Variants in UGGT2 observed in about 807,000 individuals in gnomAD.
UGGT2 encodes the protein UDP-glucose:glycoprotein glucosyltransferase 2.
Under a neutral mutation model 192.1 loss-of-function variants are expected in UGGT2, and 180 were observed. The observed-to-expected ratio is 0.94, with a 90% CI of 0.83 to 1.06. The LOEUF is 1.06. UGGT2 is among the 50% of genes least tolerant of loss of function. The pLI, the probability that UGGT2 is intolerant of heterozygous loss-of-function variation, is 0.00. For synonymous variants in UGGT2, 580 were observed against 591.0 expected (o/e 0.98, Z 0.27); for missense variants, 1,849 against 1,795.7 (o/e 1.03, Z -0.54).
At chr13:95,966,318 C>G (rs1029736972) in intron 12 of UGGT2, among the ~76,000 whole-genome samples, 1 of 152,040 alleles carries the variant, frequency 6.6e-6, no homozygotes, top group Non-Finnish European at 1.5e-5. Flanking sequence ...TGTGTTCTCA[C>G]TCGTAAGTGG....
chr13:96,019,896 AG>A (rs1354515445), intron 4 of UGGT2, among the ~76,000 whole-genome samples: 1 of 152,230 alleles, frequency 6.6e-6, no homozygotes, highest in Admixed American at 6.5e-5. Flanking sequence ...TAGCAGAGGC[AG>A]CCCGAAGAGC....
At chr13:95,928,099 T>C (rs2049091509) in intron 17 of UGGT2, among the ~76,000 whole-genome samples, 1 of 152,100 alleles carries the variant, frequency 6.6e-6, no homozygotes, top group East Asian at 1.9e-4. Context: ...TGATCTCTCT[T>C]TCTTTTCCCC....
rs1369465458 is a variant in UGGT2 at position 95,949,332 on chromosome 13, C to CA, written c.1455+2dup. 1.3e-6 allele frequency: 2 copies of CA among 1,529,490 alleles called. No individual in the cohort carries two copies. The highest frequency in any genetic ancestry group is 4.1e-5 in the Admixed American group (2 of 48,424). 94.7% of individuals were successfully genotyped at this position (1,529,490 alleles called of 1,614,324 possible). A position where few individuals can be genotyped will look rare whatever the true frequency, so the allele number is the denominator to read the frequency against. ...ATATGTATAATCAAAATATAAAACT[C>CA]ACCAAATTATGAAAATTGCGCCTTA... On this transcript the variant is annotated splice_region_variant and intron_variant, in intron 13 of 38. Coordinates refer to ENST00000376747, the MANE Select transcript of UGGT2 (RefSeq NM_020121.4).
chr13:95,948,226 C>T (rs1039759555), intron 13 of UGGT2, 145 bp from the exon 14 acceptor site: 3 of 422,134 alleles, frequency 7.1e-6, no homozygotes, highest in Non-Finnish European at 1.3e-5. Flanking sequence ...AATACACACA[C>T]ACACACACAC....
At position 95,818,826 on chromosome 13, in the gene UGGT2, T is replaced by G. The variant is rs1011272614; in HGVS notation, c.4528+14101A>C. Among the ~76,000 whole-genome samples, 8 of 152,280 alleles carry G rather than the reference T, an allele frequency of 5.3e-5. 1 individual carries two copies. In the South Asian group the frequency reaches 1.2e-3, roughly 24 times the overall value. On this transcript the variant is annotated intron_variant, in intron 38 of 38. Coordinates refer to ENST00000376747, the MANE Select transcript of UGGT2 (RefSeq NM_020121.4). The stretch of plus-strand genomic sequence containing the variant: ...AGGAGGGATTTATGAAACAGAGACC[T>G]GCAGGAAGAAGCCTTTCTCAACCAG...
At chr13:96,033,542 C>A (rs112576455) in intron 1 of UGGT2, among the ~76,000 whole-genome samples, 1 of 152,160 alleles carries the variant, frequency 6.6e-6, no homozygotes, top group African/African-American at 2.4e-5. Context: ...AACCACCCAG[C>A]TGCAGCTGTG....
intron 12 of UGGT2, among the ~76,000 whole-genome samples, chr13:95,966,221 G>T (rs546494958): frequency 6.6e-5 from 10 of 152,190 alleles, no homozygotes; most frequent in South Asian, 2.1e-4. Context: ...CCACAGAAAA[G>T]AATGAAATGT....
At chr13:95,861,458 C>G (rs1411286815) in intron 31 of UGGT2, among the ~76,000 whole-genome samples, 2 of 152,026 alleles carry the variant, frequency 1.3e-5, no homozygotes, top group East Asian at 3.8e-4. Flanking sequence ...ACTAGGGAAC[C>G]ATGTCTACTT....
At chr13:95,841,731 C>G (rs566154345) in intron 36 of UGGT2, among the ~76,000 whole-genome samples, 4 of 152,180 alleles carry the variant, frequency 2.6e-5, no homozygotes, top group South Asian at 4.1e-4. Flanking sequence ...ATTGCTTGTG[C>G]TTTTGGTTTT....
chr13:95,918,290 T>A (rs1266608161), intron 20 of UGGT2, among the ~76,000 whole-genome samples: 2 of 152,116 alleles, frequency 1.3e-5, no homozygotes, highest in Non-Finnish European at 2.9e-5. Flanking sequence ...CTTGAGTAAA[T>A]AATGAAATTA....
intron 33 of UGGT2, among the ~76,000 whole-genome samples, chr13:95,859,277 C>G (rs1172009823): frequency 1.3e-5 from 2 of 152,084 alleles, no homozygotes; most frequent in African/African-American, 2.4e-5. Context: ...GCAAAAATGA[C>G]AGAATCCATT....
intron 10 of UGGT2, among the ~76,000 whole-genome samples, chr13:95,980,637 G>C (rs2051089696): frequency 6.6e-6 from 1 of 152,172 alleles, no homozygotes; most frequent in Non-Finnish European, 1.5e-5. Context: ...TAGATGGTTT[G>C]GGTTTGGCTT....
rs1594171490 is a variant in UGGT2 at position 95,860,788 on chromosome 13, C to T, written c.3740G>A (p.Arg1247Lys). Residue 1247 changes from arginine to lysine, a missense_variant and splice_region_variant, in exon 32 of 39, where the codon AGA becomes AAA. Coordinates refer to ENST00000376747, the MANE Select transcript of UGGT2 (RefSeq NM_020121.4). ...ASGHLYERFL[R>K]IMMLSVLRNT... Reference sequence around the variant, plus strand: ...ATATAAGGTTAAAAAATATACCTACCTTAAAAAACGTTCATATAAATGACC... The same window carrying T: ...ATATAAGGTTAAAAAATATACCTACTTTAAAAAACGTTCATATAAATGACC... 6.7e-7 allele frequency: 1 copy of T among 1,495,540 alleles called. No individual in the cohort carries two copies. 92.6% of individuals were successfully genotyped at this position (1,495,540 alleles called of 1,614,324 possible).
At chr13:95,820,944 C>T (rs899565448) in intron 38 of UGGT2, among the ~76,000 whole-genome samples, 3 of 152,058 alleles carry the variant, frequency 2.0e-5, no homozygotes, top group Non-Finnish European at 4.4e-5. Context: ...CTAGTATTTT[C>T]ATTCCTTTTA....
chr13:95,928,506 C>T lies in UGGT2; in HGVS notation c.1978-1170G>A, dbSNP rs1185297613. Reference sequence around the variant, plus strand: ...GGCAGCCGGTCAGAGACGCTCCTCACCTCTCAGACGGGGTGGTGGCGGGGC... The same window carrying T: ...GGCAGCCGGTCAGAGACGCTCCTCATCTCTCAGACGGGGTGGTGGCGGGGC... On this transcript the variant is annotated intron_variant, in intron 17 of 38. Coordinates refer to ENST00000376747, the MANE Select transcript of UGGT2 (RefSeq NM_020121.4). Among the ~76,000 whole-genome samples, 4 of 152,042 alleles carry T rather than the reference C, an allele frequency of 2.6e-5. 1 individual carries two copies. Among genetic ancestry groups the T allele is most frequent in the African/African-American group, 9.6e-5 (4 of 41,460 alleles).
chr13:95,888,168 G>C (rs1400900398), intron 25 of UGGT2, among the ~76,000 whole-genome samples, 197 bp from the exon 26 acceptor site: 1 of 152,156 alleles, frequency 6.6e-6, no homozygotes, highest in African/African-American at 2.4e-5. Context: ...TCACAGCACA[G>C]GCAAGATTTT....
intron 10 of UGGT2, among the ~76,000 whole-genome samples, chr13:95,983,134 A>T (rs2051180196): frequency 6.6e-6 from 1 of 152,206 alleles, no homozygotes; most frequent in South Asian, 2.1e-4. Context: ...AATGAGATAG[A>T]AACCAGTCTG....
At chr13:95,817,473 A>T (rs1413970910) in intron 38 of UGGT2, among the ~76,000 whole-genome samples, 1 of 152,082 alleles carries the variant, frequency 6.6e-6, no homozygotes, top group East Asian at 1.9e-4. Context: ...GGTCCCAGAT[A>T]CTTGGGAGGC....
intron 38 of UGGT2, among the ~76,000 whole-genome samples, chr13:95,825,277 T>C (rs1161852950): frequency 6.6e-6 from 1 of 152,230 alleles, no homozygotes; most frequent in Non-Finnish European, 1.5e-5. Flanking sequence ...TAGGAACCTG[T>C]TGTAGCTAAA....
Sources: allele counts gnomAD v4.1 joint callset (sites outside exome capture counted in the v4.1 genomes callset), GRCh38; gene constraint gnomAD v4.1.1; transcripts MANE v1.5; gene names NCBI Gene and HGNC (gene_info 2026-07-23, HGNC 2026-07-21).